HPS3: variants seen among roughly 807,000 people sequenced by gnomAD.
HPS3 encodes HPS3 biogenesis of lysosomal organelles complex 2 subunit 1.
HPS3 carries 79 observed loss-of-function variants against 110.9 expected under a neutral mutation model. That is an observed-to-expected ratio of 0.71 (90% CI 0.59 to 0.86). The LOEUF (loss-of-function observed/expected upper bound fraction) is 0.86, where lower values mean the gene tolerates loss of function less well. Among genes scored for constraint, HPS3 ranks in the 40% least tolerant of loss-of-function variants. HPS3 has a pLI of 0.00. For missense variants in HPS3, 1,197 were observed against 1,206.2 expected (o/e 0.99, Z 0.11); for synonymous variants, 428 against 451.0 (o/e 0.95, Z 0.65).
rs1009307027 is a variant in HPS3 at position 149,158,846 on chromosome 3, A to G, written c.1872A>G (p.Glu624=). 1.9e-5 allele frequency: 29 copies of G among 1,553,774 alleles called. No individual in the cohort carries two copies. Among genetic ancestry groups the G allele is most frequent in the Non-Finnish European group, 2.5e-5 (28 of 1,125,706 alleles). ...LYENLDEELN[E]ELAAKVVQMF... is the part of the protein sequence containing the mutation. Reference sequence around the variant, plus strand: ...AAAACCTGGATGAAGAATTAAATGAAGTGATTATAGTTTTCTGTTTTCTAT... The same window carrying G: ...AAAACCTGGATGAAGAATTAAATGAGGTGATTATAGTTTTCTGTTTTCTAT... Residue 624 remains glutamate (E), a splice_region_variant and synonymous_variant, in exon 10 of 17, where the codon GAA becomes GAG. Transcript: ENST00000296051.
chr3:149,133,168 A>T (rs1721873942), intron 1 of HPS3, among the ~76,000 whole-genome samples: 1 of 152,234 alleles, frequency 6.6e-6, no homozygotes, highest in South Asian at 2.1e-4. Context: ...GAAAAGATTA[A>T]CTCCAATTTT....
At chr3:149,158,975 T>G in intron 10 of HPS3, 129 bp downstream of exon 10, 1 of 660,708 alleles carries the variant, frequency 1.5e-6, no homozygotes, top group Non-Finnish European at 2.6e-6. Context: ...TCTAAAAAAG[T>G]AATGTGACCT....
rs1723282412 is a variant in HPS3 at position 149,153,809 on chromosome 3, CTG to C, written c.1400+163_1400+164del. On this transcript the variant is annotated intron_variant, in intron 7 of 16. Transcript: ENST00000296051. The stretch of plus-strand genomic sequence containing the variant: ...AAAGAAAAGAAGGTTCTAACAATCT[CTG>C]TAATACACTTTATAACTGACCTGGA... The C allele has an allele frequency of 4.0e-5, 28 of 700,416 alleles. No homozygotes were observed. The East Asian group carries it at 7.5e-4, about 19-fold the overall frequency. The allele number at this position is 700,416 out of a possible 1,614,324, so 43.4% of individuals were successfully genotyped here.
intron 1 of HPS3, among the ~76,000 whole-genome samples, chr3:149,136,994 CTG>C (rs1343292967): frequency 1.3e-5 from 2 of 152,056 alleles, no homozygotes; most frequent in African/African-American, 2.4e-5. Flanking sequence ...AAGTTAATGA[CTG>C]TTGTATATCA....
At chr3:149,155,322 C>G in intron 8 of HPS3, 107 bp downstream of exon 8, 1 of 738,672 alleles carries the variant, frequency 1.4e-6, no homozygotes, top group Non-Finnish European at 2.4e-6. Flanking sequence ...AGCCATTCAG[C>G]TTCCTGGCTC....
In HPS3 at chr3:149,160,115, A is replaced by G. The variant is rs1336513370; in HGVS notation, c.1942A>G (p.Ser648Gly). 1.2e-6 allele frequency: 2 copies of G among 1,613,970 alleles called. No homozygotes were observed. Among genetic ancestry groups the G allele is most frequent in the South Asian group, 2.2e-5 (2 of 91,086 alleles). Residue 648 changes from serine (S) to glycine (G), a missense_variant, in exon 11 of 17, where the codon AGT (serine) becomes GGT (glycine). By Grantham distance (56) the Ser-to-Gly change is moderately conservative. Transcript: ENST00000296051. ...AAAGCAAGTGCCCCATATTCTCTGTAGTCCTTCTATGAAGAATATTAATCC... is the reference window on the plus strand; with the variant it reads ...AAAGCAAGTGCCCCATATTCTCTGTGGTCCTTCTATGAAGAATATTAATCC... ...EPKQVPHILC[S>G]PSMKNINPLT...
intron 1 of HPS3, among the ~76,000 whole-genome samples, chr3:149,134,545 T>C (rs1721965927): frequency 6.6e-6 from 1 of 152,214 alleles, no homozygotes; most frequent in African/African-American, 2.4e-5. Flanking sequence ...GGCCACTACC[T>C]ATGCATACGA....
At chr3:149,146,939 T>G (rs1356461618) in intron 5 of HPS3, among the ~76,000 whole-genome samples, 1 of 152,052 alleles carries the variant, frequency 6.6e-6, no homozygotes, top group Admixed American at 6.5e-5. Flanking sequence ...TTTAGGAAAA[T>G]TAATGGTGGC....
intron 11 of HPS3, 114 bp downstream of exon 11, chr3:149,160,393 A>G: frequency 1.3e-6 from 1 of 744,556 alleles, no homozygotes; most frequent in Admixed American, 2.1e-5. Context: ...TGTAATGGAA[A>G]ACAGACAATA....
intron 1 of HPS3, among the ~76,000 whole-genome samples, chr3:149,133,346 C>T (rs1044459466): frequency 9.2e-5 from 14 of 151,970 alleles, no homozygotes; most frequent in Non-Finnish European, 2.1e-4. Context: ...GTTGGCCAGG[C>T]TGGAGTGCAG....
chr3:149,141,192 T>A lies in HPS3; in HGVS notation c.884+4T>A. 1 of 1,566,578 alleles carries A rather than the reference T, an allele frequency of 6.4e-7. No individual in the cohort carries two copies. Among genetic ancestry groups the A allele is most frequent in the Non-Finnish European group, 8.6e-7 (1 of 1,157,500 alleles). ...ACTTTCAGCACCTGCTCTATAGGTATTATAGTGCTTTTTTTTTTTTTACCA... is the reference window on the plus strand; with the variant it reads ...ACTTTCAGCACCTGCTCTATAGGTAATATAGTGCTTTTTTTTTTTTTACCA... On this transcript the variant is annotated splice_donor_region_variant and intron_variant, in intron 3 of 16. Coordinates refer to ENST00000296051, the MANE Select transcript of HPS3 (RefSeq NM_032383.5).
At chr3:149,144,204 G>T (rs11918627) in intron 4 of HPS3, among the ~76,000 whole-genome samples, 6,633 of 141,830 alleles carry the variant, frequency 0.047, 223 homozygotes, top group African/African-American at 0.089. Context: ...GCGAAACCCC[G>T]TCTCTACTAG....
In HPS3 at chr3:149,163,835, G is replaced by A. The variant is rs2108173272; in HGVS notation, c.2482-7G>A. 3 of 1,431,540 alleles carry A rather than the reference G, an allele frequency of 2.1e-6. No homozygotes were observed. The highest frequency in any genetic ancestry group is 1.8e-4 in the Middle Eastern group (1 of 5,590). 88.7% of individuals were successfully genotyped at this position (1,431,540 alleles called of 1,614,324 possible). ...TTTTGTTTATGAGAAATTCTTTTATGTTTTAGATAAATGCCTGTAGTCATT... is the reference window on the plus strand; with the variant it reads ...TTTTGTTTATGAGAAATTCTTTTATATTTTAGATAAATGCCTGTAGTCATT... On this transcript the variant is annotated splice_polypyrimidine_tract_variant and splice_region_variant and intron_variant, in intron 13 of 16. Transcript: ENST00000296051.
intron 7 of HPS3, 121 bp from the exon 8 acceptor site, chr3:149,154,986 A>T (rs1394165127): frequency 1.5e-6 from 1 of 688,914 alleles, no homozygotes; most frequent in Non-Finnish European, 2.6e-6. Context: ...ACAGTTAATC[A>T]CTGAGGAAAA....
chr3:149,129,827 T>C lies in HPS3; in HGVS notation c.104T>C (p.Val35Ala). 1.2e-6 allele frequency: 2 copies of C among 1,605,330 alleles called. No homozygotes were observed. Among genetic ancestry groups the C allele is most frequent in the South Asian group, 2.2e-5 (2 of 90,842 alleles). Residue 35 changes from valine (V) to alanine (A), a missense_variant, in exon 1 of 17, where the codon GTG becomes GCG. By Grantham distance (64) the Val-to-Ala change is moderately conservative. Coordinates refer to ENST00000296051, the MANE Select transcript of HPS3 (RefSeq NM_032383.5). ...GGCGGGGGGCGTGACGCGCTTTTCG[T>C]GGCGGCGGGCTGCAAGGTGGAGGCG... ...FCGGGRDALFVAAGCKVEAFA... is the reference protein window; with the variant it reads ...FCGGGRDALFAAAGCKVEAFA...
chr3:149,167,655 C>T (rs951764696), intron 15 of HPS3, among the ~76,000 whole-genome samples: 1 of 152,096 alleles, frequency 6.6e-6, no homozygotes, highest in Non-Finnish European at 1.5e-5. Context: ...TGAAAATAGC[C>T]ATGTACATAT....
Position 149,172,716 on chromosome 3 carries a change from G to C in HPS3, c.*494G>C, listed in dbSNP as rs896001085. ...ATGTTAATGTTTTGCCATGGTAAAAGATTTCAAACCTCATTTTTTTTGTTC... is the reference window on the plus strand; with the variant it reads ...ATGTTAATGTTTTGCCATGGTAAAACATTTCAAACCTCATTTTTTTTGTTC... On this transcript the variant is annotated 3_prime_UTR_variant, in exon 17 of 17. Coordinates refer to ENST00000296051, the MANE Select transcript of HPS3 (RefSeq NM_032383.5). 6.5e-6 allele frequency: 1 copy of C among 153,052 alleles called. No individual in the cohort carries two copies. Among genetic ancestry groups the C allele is most frequent in the African/African-American group, 2.4e-5 (1 of 41,448 alleles). The allele number at this position is 153,052 out of a possible 1,614,324, so 9.5% of individuals were successfully genotyped here. A position where few individuals can be genotyped will look rare whatever the true frequency, so the allele number is the denominator to read the frequency against.
chr3:149,162,707 T>A lies in HPS3; in HGVS notation c.2310T>A (p.Asp770Glu), dbSNP rs754819849. Reference protein sequence around the residue: ...DSFFKVLCAKDEDTIPQLLVD... With the variant: ...DSFFKVLCAKEEDTIPQLLVD... The stretch of plus-strand genomic sequence containing the variant: ...TTTTTAAGGTGCTTTGTGCTAAGGA[T>A]GAAGATACAATTCCTCAGCTCTTGG... The change falls in exon 13 of 17, where the codon GAT becomes GAA. Residue 770 changes from aspartate (D) to glutamate (E), a missense_variant. By Grantham distance (45) the Asp-to-Glu change is conservative. Transcript: ENST00000296051. The A allele has an allele frequency of 6.2e-7, 1 of 1,614,034 alleles. No homozygotes were observed.
intron 9 of HPS3, 49 bp from the exon 10 acceptor site, chr3:149,158,617 G>T (rs759410603): frequency 6.5e-7 from 1 of 1,538,388 alleles, no homozygotes; most frequent in East Asian, 2.3e-5. Flanking sequence ...GTGAGACCCC[G>T]TCTTTAAAAA....
Sources: allele counts gnomAD v4.1 joint callset (sites outside exome capture counted in the v4.1 genomes callset), GRCh38; gene constraint gnomAD v4.1.1; transcripts MANE v1.5; gene names NCBI Gene and HGNC (gene_info 2026-07-23, HGNC 2026-07-21).